PTPRG: variants seen among roughly 807,000 people sequenced by gnomAD.
The protein encoded by PTPRG is receptor-type tyrosine-protein phosphatase gamma.
A neutral mutation model predicts 165.3 loss-of-function variants in PTPRG; 102 were observed. The observed-to-expected ratio is 0.62, with a 90% CI of 0.53 to 0.73. The LOEUF is 0.73. PTPRG is among the 30% of genes least tolerant of loss of function. The pLI, the probability that PTPRG is intolerant of heterozygous loss-of-function variation, is 0.00. For synonymous variants in PTPRG, 675 were observed against 669.5 expected (o/e 1.01, Z -0.13); for missense variants, 1,866 against 1,861.4 (o/e 1.00, Z -0.05).
chr3:62,076,098 A>G (rs1454221672), intron 4 of PTPRG, among the ~76,000 whole-genome samples: 1 of 152,128 alleles, frequency 6.6e-6, no homozygotes, highest in Non-Finnish European at 1.5e-5. Flanking sequence ...CAACATAGTG[A>G]GACGCTGCCT....
At chr3:62,246,531 T>C (rs929950390) in intron 15 of PTPRG, among the ~76,000 whole-genome samples, 72 of 152,190 alleles carry the variant, frequency 4.7e-4, no homozygotes, top group Non-Finnish European at 5.9e-4. Context: ...CACTGTTCTA[T>C]TCTTTAGGAT....
intron 2 of PTPRG, among the ~76,000 whole-genome samples, chr3:61,931,123 C>G (rs770556308): frequency 1.3e-5 from 2 of 152,130 alleles, no homozygotes; most frequent in Admixed American, 1.3e-4. Context: ...GTTCCTGCAG[C>G]CTCCCCAACC....
chr3:61,686,435 G>A lies in PTPRG; in HGVS notation c.86-62443G>A, dbSNP rs561645299. On this transcript the variant is annotated intron_variant, in intron 1 of 29. Transcript: ENST00000474889. ...CTGGGGGAAATGAGTGGTCTTAGAC[G>A]TCACTATTGGGGACTTTAAATGAGC... Among the ~76,000 whole-genome samples, 84 of 152,322 alleles carry A rather than the reference G, an allele frequency of 5.5e-4. 1 individual carries two copies. Among genetic ancestry groups the A allele is most frequent in the Middle Eastern group, 6.8e-3 (2 of 294 alleles).
At chr3:61,678,994 A>G (rs1025485295) in intron 1 of PTPRG, among the ~76,000 whole-genome samples, 1 of 151,906 alleles carries the variant, frequency 6.6e-6, no homozygotes, top group East Asian at 1.9e-4. Context: ...TTAAGTGACG[A>G]CAGTCATCCT....
intron 4 of PTPRG, among the ~76,000 whole-genome samples, chr3:62,036,319 C>T (rs780087723): frequency 2.8e-4 from 42 of 152,088 alleles, no homozygotes; most frequent in Non-Finnish European, 4.7e-4. Flanking sequence ...AAAAAGAAAT[C>T]CATATTGAAG....
chr3:61,744,395 C>T (rs1208996646), intron 1 of PTPRG, among the ~76,000 whole-genome samples: 2 of 152,108 alleles, frequency 1.3e-5, no homozygotes, highest in Non-Finnish European at 2.9e-5. Context: ...ATAGCCAGCC[C>T]ACTGCACACC....
At position 62,057,724 on chromosome 3, in the gene PTPRG, G is replaced by GA. The variant is rs535758176; in HGVS notation, c.520-20433dup. Reference sequence around the variant, plus strand: ...ATGCTTAAAAAGAAAGGAAAAAATAGAAAAAATCCATCTGCTGTGCCGTTA... The same window carrying GA: ...ATGCTTAAAAAGAAAGGAAAAAATAGAAAAAAATCCATCTGCTGTGCCGTTA... On this transcript the variant is annotated intron_variant, in intron 4 of 29. Coordinates refer to ENST00000474889, the MANE Select transcript of PTPRG (RefSeq NM_002841.4). 5.3e-5 allele frequency among the ~76,000 whole-genome samples: 8 copies of GA among 152,210 alleles called. No homozygotes were observed. In the East Asian group the frequency reaches 1.2e-3, roughly 22 times the overall value.
chr3:61,898,489 T>G (rs1411120254), intron 2 of PTPRG, among the ~76,000 whole-genome samples: 1 of 152,230 alleles, frequency 6.6e-6, no homozygotes, highest in Non-Finnish European at 1.5e-5. Context: ...GGTTATGCTT[T>G]AGATAATTTG....
chr3:61,655,685 C>A (rs1415528591), intron 1 of PTPRG, among the ~76,000 whole-genome samples: 2 of 152,114 alleles, frequency 1.3e-5, no homozygotes, highest in African/African-American at 2.4e-5. Flanking sequence ...ACAGCTCACT[C>A]CTGGCTCACT....
intron 6 of PTPRG, among the ~76,000 whole-genome samples, chr3:62,146,966 G>A (rs1213472127): frequency 6.6e-6 from 1 of 152,166 alleles, no homozygotes; most frequent in Non-Finnish European, 1.5e-5. Context: ...AAAGTGCTAC[G>A]TTGGGTGCTG....
chr3:61,675,974 A>G (rs1403372110), intron 1 of PTPRG, among the ~76,000 whole-genome samples: 1 of 152,160 alleles, frequency 6.6e-6, no homozygotes, highest in Non-Finnish European at 1.5e-5. Context: ...GTCTGTTCTC[A>G]GTTTTTTCGA....
At chr3:62,159,925 C>A (rs1704683317) in intron 7 of PTPRG, among the ~76,000 whole-genome samples, 1 of 152,186 alleles carries the variant, frequency 6.6e-6, no homozygotes, top group African/African-American at 2.4e-5. Flanking sequence ...CATTCGCCAT[C>A]CAAGTATTAT....
At chr3:62,146,809 C>G (rs1290471085) in intron 6 of PTPRG, among the ~76,000 whole-genome samples, 1 of 152,170 alleles carries the variant, frequency 6.6e-6, no homozygotes, top group Non-Finnish European at 1.5e-5. Flanking sequence ...AACAAATGAG[C>G]TGTGTACCAA....
intron 2 of PTPRG, among the ~76,000 whole-genome samples, chr3:61,883,539 T>C (rs2037946781): frequency 6.6e-6 from 1 of 152,146 alleles, no homozygotes; most frequent in South Asian, 2.1e-4. Flanking sequence ...TAAAATAGCT[T>C]ACAGGAATAT....
At chr3:61,889,291 C>T (rs923375197) in intron 2 of PTPRG, among the ~76,000 whole-genome samples, 14 of 152,158 alleles carry the variant, frequency 9.2e-5, no homozygotes, top group Non-Finnish European at 2.1e-4. Flanking sequence ...GTTATTTATT[C>T]GTTTGACTTT....
intron 1 of PTPRG, among the ~76,000 whole-genome samples, chr3:61,715,945 C>T (rs2031788812): frequency 6.6e-6 from 1 of 151,812 alleles, no homozygotes; most frequent in Admixed American, 6.6e-5. Flanking sequence ...TAAGCAGAGT[C>T]AGTACTCACT....
intron 2 of PTPRG, among the ~76,000 whole-genome samples, chr3:61,761,061 A>G (rs1209569234): frequency 6.6e-6 from 1 of 152,224 alleles, no homozygotes; most frequent in Non-Finnish European, 1.5e-5. Context: ...CGATGAACAT[A>G]GGCATGCATG....
rs570575785 is a variant in PTPRG, at chr3:61,790,279, G to A, written c.190+41297G>A. On this transcript the variant is annotated intron_variant, in intron 2 of 29. Coordinates refer to ENST00000474889, the MANE Select transcript of PTPRG (RefSeq NM_002841.4). The stretch of plus-strand genomic sequence containing the variant: ...GACTTGCTGGGGTGGTGAACCATTC[G>A]AGTTGTTGCCTTCTCTTCTCCGTCT... Among the ~76,000 whole-genome samples the A allele has an allele frequency of 3.3e-5, 5 of 152,258 alleles. No individual in the cohort carries two copies. The South Asian group carries it at 8.3e-4, about 25-fold the overall frequency.
rs772073947 is a variant in PTPRG at position 62,078,205 on chromosome 3, C to G, written c.562C>G (p.Gln188Glu). 2 of 1,610,282 alleles carry G rather than the reference C, an allele frequency of 1.2e-6. No individual in the cohort carries two copies. The highest frequency in any genetic ancestry group is 3.4e-5 in the Admixed American group (2 of 59,484). ...CAATCCAGATGACTTTGACAGCTTT[C>G]AAACCGCAATTTCTGAGAACAGAAT... ...FYNPDDFDSF[Q>E]TAISENRIIG... The change falls in exon 5 of 30, where the codon CAA (glutamine) becomes GAA (glutamate). Residue 188 changes from glutamine (Q) to glutamate (E), a missense_variant. Physicochemically the swap from Gln to Glu is conservative, Grantham distance 29 (BLOSUM62 2). Transcript: ENST00000474889.
Sources: gnomAD v4.1 joint callset for allele counts (sites outside exome capture counted in the v4.1 genomes callset) on GRCh38, gnomAD v4.1.1 for gene constraint, MANE v1.5 for transcripts, NCBI Gene and HGNC (gene_info 2026-07-23, HGNC 2026-07-21) for gene names.